NRDE2: variants seen among roughly 807,000 people sequenced by gnomAD.
The protein encoded by NRDE2 is nuclear exosome regulator NRDE2.
NRDE2 carries 76 observed loss-of-function variants against 124.2 expected under a neutral mutation model. The observed-to-expected ratio is 0.61, with a 90% confidence interval of 0.51 to 0.74. NRDE2 has a LOEUF of 0.74. Among genes scored for constraint, NRDE2 ranks in the 30% least tolerant of loss-of-function variants. The probability of loss-of-function intolerance (pLI) is 0.00; values close to 1 mark genes in which losing one functional copy is unlikely to be tolerated. For synonymous variants in NRDE2, 489 were observed against 528.1 expected (o/e 0.93, Z 1.01); for missense variants, 1,314 against 1,417.3 (o/e 0.93, Z 1.17).
intron 4 of NRDE2, among the ~76,000 whole-genome samples, chr14:90,309,459 C>G (rs1884744726): frequency 9.8e-6 from 1 of 101,848 alleles, no homozygotes; most frequent in South Asian, 3.7e-4. Flanking sequence ...GGCGACAGAG[C>G]AAGACTCTGT....
Position 90,290,239 on chromosome 14 carries a change from T to C in NRDE2, c.2211A>G (p.Leu737=). 2 of 1,613,874 alleles carry C rather than the reference T, an allele frequency of 1.2e-6. No individual in the cohort carries two copies. Among genetic ancestry groups the C allele is most frequent in the Non-Finnish European group, 8.5e-7 (1 of 1,179,898 alleles). ...GAATTACCTTTGCAATCTCATACTG[T>C]AACCAGGAGAAGCAGAGCTGGGACT... ...KEKSQLCFSW[L]QYEIAKVIWC... The change falls in exon 10 of 14, where the codon TTA becomes TTG. Residue 737 remains leucine, a synonymous_variant. Coordinates refer to ENST00000354366, the MANE Select transcript of NRDE2 (RefSeq NM_017970.4).
In NRDE2 at chr14:90,289,035, A is replaced by G; in HGVS notation, c.2340T>C (p.Phe780=). 1 of 1,614,166 alleles carries G rather than the reference A, an allele frequency of 6.2e-7. No individual in the cohort carries two copies. Among genetic ancestry groups the G allele is most frequent in the Non-Finnish European group, 8.5e-7 (1 of 1,180,006 alleles). Residue 780 remains phenylalanine (F), a synonymous_variant, in exon 11 of 14, where the codon TTT becomes TTC. Transcript: ENST00000354366. ...GATGTGCATACTGCTTCCACAGGCA[A>G]AAGTTGTTGCAGTTTTCTGGCTCCT... ...LLKEPENCNN[F]CLWKQYAHLE... is the part of the protein sequence containing the mutation.
At position 90,312,349 on chromosome 14, in the gene NRDE2, A is replaced by G. The variant is rs756622067; in HGVS notation, c.557+45T>C. 52 of 1,599,628 alleles carry G rather than the reference A, an allele frequency of 3.3e-5. 2 individuals are homozygous for G. In the South Asian group the frequency reaches 5.6e-4, roughly 17 times the overall value. Reference sequence around the variant, plus strand: ...GCCAAGAGAGTTCCGAGGAGAAAAAAGTCACTTTCCTACAGTGAAAACTGG... The same window carrying G: ...GCCAAGAGAGTTCCGAGGAGAAAAAGGTCACTTTCCTACAGTGAAAACTGG... On this transcript the variant is annotated intron_variant, in intron 4 of 13. Coordinates refer to ENST00000354366, the MANE Select transcript of NRDE2 (RefSeq NM_017970.4).
rs1401173738 is a variant in NRDE2, at chr14:90,299,218, G to GTGTTTTTTTAGTAGAAACA, written c.1546-857_1546-839dup. On this transcript the variant is annotated intron_variant, in intron 7 of 13. Transcript: ENST00000354366. ...TGAGCCACCACACCCAGCTAATTTT[G>GTGTTTTTTTAGTAGAAACA]TGTTTTTTTAGTAGAAACAGGGTTT... Among the ~76,000 whole-genome samples the GTGTTTTTTTAGTAGAAACA allele has an allele frequency of 1.5e-4, 23 of 152,086 alleles. No individual in the cohort carries two copies. In the East Asian group the frequency reaches 3.7e-3, roughly 24 times the overall value.
intron 3 of NRDE2, 101 bp from the exon 4 acceptor site, chr14:90,312,644 TC>T: frequency 9.0e-7 from 1 of 1,105,830 alleles, no homozygotes; most frequent in Non-Finnish European, 1.4e-6. Context: ...CACTTCAAAC[TC>T]CACATGGCAT....
intron 12 of NRDE2, among the ~76,000 whole-genome samples, chr14:90,285,467 A>G (rs1334514096): frequency 6.6e-6 from 1 of 151,414 alleles, no homozygotes; most frequent in African/African-American, 2.4e-5. Context: ...ACACCCAGCT[A>G]ATTTTTGTAT....
chr14:90,296,766 G>A (rs1386503122), intron 8 of NRDE2, among the ~76,000 whole-genome samples: 1 of 144,708 alleles, frequency 6.9e-6, no homozygotes, highest in Non-Finnish European at 1.5e-5. Context: ...CTTTCGGGGA[G>A]TGAAGCAGTT....
rs539114974 is a variant in NRDE2 at position 90,269,820 on chromosome 14, C to G, written c.*8516G>C. ...TAGCCTCAAGAACTTGCTGCTTTTT[C>G]TGGAAGAAATAATTCATGTGATGGT... On this transcript the variant is annotated 3_prime_UTR_variant, in exon 14 of 14. Transcript: ENST00000354366. 2.5e-6 allele frequency: 1 copy of G among 405,410 alleles called. No individual in the cohort carries two copies. The highest frequency in any genetic ancestry group is 2.0e-5 in the African/African-American group (1 of 49,106). 25.1% of individuals were successfully genotyped at this position (405,410 alleles called of 1,614,324 possible).
At chr14:90,286,319 C>T (rs759328095) in intron 12 of NRDE2, 35 bp downstream of exon 12, 1 of 1,601,916 alleles carries the variant, frequency 6.2e-7, no homozygotes, top group Non-Finnish European at 8.5e-7. Context: ...AGGTAGAGCT[C>T]TGCATGAACA....
chr14:90,301,838 C>G (rs1431728396), intron 6 of NRDE2: 3 of 455,754 alleles, frequency 6.6e-6, no homozygotes, highest in Non-Finnish European at 1.3e-5. Flanking sequence ...TCTGAACATT[C>G]CAGTTCATCT....
intron 1 of NRDE2, among the ~76,000 whole-genome samples, chr14:90,318,392 A>C (rs1015823489): frequency 6.6e-6 from 1 of 152,250 alleles, no homozygotes; most frequent in African/African-American, 2.4e-5. Flanking sequence ...ACGGGCTAAA[A>C]GGCAACAAGG....
At chr14:90,283,101 C>T (rs893500559) in intron 12 of NRDE2, among the ~76,000 whole-genome samples, 1 of 152,192 alleles carries the variant, frequency 6.6e-6, no homozygotes, top group Non-Finnish European at 1.5e-5. Flanking sequence ...TCCCTTCTCC[C>T]GCCTCTTCAG....
In NRDE2 at chr14:90,288,359, G is replaced by A. The variant is rs1413025200; in HGVS notation, c.3016C>T (p.Gln1006Ter). The change falls in exon 11 of 14, where the codon CAG becomes TAG. Residue 1006 changes from glutamine (Q) to a stop codon, truncating the protein, a stop_gained. Coordinates refer to ENST00000354366, the MANE Select transcript of NRDE2 (RefSeq NM_017970.4). LOFTEE classifies it high-confidence loss of function. ...GCACTGTGGGACTTATTCTGAATCT[G>A]TACATAGGACCTCCAAAGAACCTGG... is the stretch of plus-strand genomic sequence containing the variant. ...GNQVLWRSYVQIQNKSHSASK... is the reference protein window; with the variant it reads ...GNQVLWRSYV The A allele has an allele frequency of 3.7e-6, 6 of 1,614,130 alleles. No homozygotes were observed. The highest frequency in any genetic ancestry group is 3.3e-5 in the Admixed American group (2 of 60,014).
chr14:90,280,569 G>A (rs889166956), intron 12 of NRDE2: 1 of 152,324 alleles, frequency 6.6e-6, no homozygotes, highest in Non-Finnish European at 1.5e-5. Context: ...ATCAGCGCTG[G>A]AGATGCCCTC....
chr14:90,298,675 G>A (rs1884273924), intron 7 of NRDE2, among the ~76,000 whole-genome samples: 2 of 152,144 alleles, frequency 1.3e-5, no homozygotes, highest in African/African-American at 4.8e-5. Context: ...AAGTGATGGG[G>A]GGTCACTCCC....
At chr14:90,282,203 G>A (rs750687093) in intron 12 of NRDE2, among the ~76,000 whole-genome samples, 11 of 152,164 alleles carry the variant, frequency 7.2e-5, no homozygotes, top group African/African-American at 1.4e-4. Context: ...CAAGCCAGGC[G>A]CAGTGGCTCG....
At chr14:90,326,203 AAG>A (rs1403969925) in intron 1 of NRDE2, among the ~76,000 whole-genome samples, 3 of 152,188 alleles carry the variant, frequency 2.0e-5, no homozygotes, top group African/African-American at 7.2e-5. Context: ...GCATTTAAGA[AAG>A]AGAGGGAGGC....
In NRDE2 at chr14:90,272,312, C is replaced by T; in HGVS notation, c.*6024G>A. The T allele has an allele frequency of 6.2e-7, 1 of 1,602,868 alleles. No individual in the cohort carries two copies. ...AGCTGGTCTGATGGCCTTAAGAGAA[C>T]GTAGAATGAAAGTAACAAATGAAGA... On this transcript the variant is annotated 3_prime_UTR_variant, in exon 14 of 14. Transcript: ENST00000354366. This position sits in a 1 kb window ranked among gnomAD's most constrained non-coding sequence, Gnocchi z 4.5.
At chr14:90,319,650 A>G (rs1034068839) in intron 1 of NRDE2, among the ~76,000 whole-genome samples, 1 of 152,202 alleles carries the variant, frequency 6.6e-6, no homozygotes, top group Non-Finnish European at 1.5e-5. Flanking sequence ...TCCATGCTGT[A>G]GTGTGTATCA....
Sources: gnomAD v4.1 joint callset for allele counts (sites outside exome capture counted in the v4.1 genomes callset) on GRCh38, gnomAD v4.1.1 for gene constraint, Gnocchi (gnomAD v3.1) non-coding constraint, MANE v1.5 for transcripts, NCBI Gene and HGNC (gene_info 2026-07-23, HGNC 2026-07-21) for gene names.